Variants in CARD8 observed in about 807,000 individuals in gnomAD.
The protein encoded by CARD8 is caspase recruitment domain family member 8, also known as caspase recruitment domain-containing protein 8.
In CARD8, 38 loss-of-function variants were observed where a neutral mutation model predicts 53.2. That is an observed-to-expected ratio of 0.71 (90% confidence interval 0.55 to 0.94). The LOEUF (loss-of-function observed/expected upper bound fraction) is 0.94, where lower values mean the gene tolerates loss of function less well. CARD8 is among the 40% of genes least tolerant of loss of function. The probability of loss-of-function intolerance (pLI) is 0.00; values close to 1 mark genes in which losing one functional copy is unlikely to be tolerated. For synonymous variants in CARD8, 245 were observed against 244.9 expected (o/e 1.00, Z 0.00); for missense variants, 561 against 655.5 (o/e 0.86, Z 1.57).
In CARD8 at chr19:48,243,041, G is replaced by A. The variant is rs372048820; in HGVS notation, c.-43-1978C>T. On this transcript the variant is annotated intron_variant, in intron 3 of 13. Coordinates refer to ENST00000651546, the MANE Select transcript of CARD8 (RefSeq NM_001184900.3). ...AGCATTTCAGAGACTCTGGATAACA[G>A]AAAAGATAATTAGTGAAATACAAAT... is the stretch of plus-strand genomic sequence containing the variant. Among the ~76,000 whole-genome samples the A allele has an allele frequency of 2.0e-5, 3 of 152,258 alleles. No homozygotes were observed. The South Asian group carries it at 6.2e-4, about 32-fold the overall frequency.
At chr19:48,207,190 A>AG (rs2037389071), downstream of CARD8, among the ~76,000 whole-genome samples, 1 of 54,532 alleles carries the variant, frequency 1.8e-5, no homozygotes, top group African/African-American at 6.4e-5. Flanking sequence ...AAAAGAAAAG[A>AG]AAAAAAAAAC....
chr19:48,206,012 C>T (rs186569442), downstream of CARD8, among the ~76,000 whole-genome samples: 524 of 152,262 alleles, frequency 3.4e-3, 3 homozygotes, highest in African/African-American at 0.012. Flanking sequence ...ATTCTCCTGC[C>T]TCAGCCTCCC....
At chr19:48,222,949 G>A (rs2040978149) in intron 10 of CARD8, among the ~76,000 whole-genome samples, 1 of 152,174 alleles carries the variant, frequency 6.6e-6, no homozygotes, top group Admixed American at 6.5e-5. Context: ...TGTTCTAGGT[G>A]CTGCATATGT....
downstream of CARD8, among the ~76,000 whole-genome samples, chr19:48,204,589 T>G (rs760112444): frequency 9.9e-5 from 15 of 152,106 alleles, no homozygotes; most frequent in Admixed American, 2.6e-4. Flanking sequence ...ATAGAGCTCC[T>G]GCTGGAAGCC....
At chr19:48,205,269 G>A (rs756134698), downstream of CARD8, among the ~76,000 whole-genome samples, 5 of 152,052 alleles carry the variant, frequency 3.3e-5, no homozygotes, top group Non-Finnish European at 5.9e-5. Flanking sequence ...TTACGCTGTC[G>A]CCCAGGCTGG....
In CARD8 at chr19:48,233,359, C is replaced by A. The variant is rs1426121474; in HGVS notation, c.351-866G>T. On this transcript the variant is annotated intron_variant, in intron 6 of 13. Coordinates refer to ENST00000651546, the MANE Select transcript of CARD8 (RefSeq NM_001184900.3). ...CTGTTTATTTCGACGTGAAAGAGAC[C>A]AGCAGAGAAACTGACACGTGGATTA... 7 of 456,096 alleles carry A rather than the reference C, an allele frequency of 1.5e-5. No individual in the cohort carries two copies. In the East Asian group the frequency reaches 4.9e-4, roughly 32 times the overall value. 28.3% of individuals were successfully genotyped at this position (456,096 alleles called of 1,614,324 possible).
intron 3 of CARD8, among the ~76,000 whole-genome samples, chr19:48,245,231 A>C (rs1222975868): frequency 1.3e-5 from 2 of 152,096 alleles, no homozygotes; most frequent in East Asian, 3.8e-4. Flanking sequence ...TTTCTTTGAG[A>C]CGGGGCCTCC....
intron 3 of CARD8, among the ~76,000 whole-genome samples, chr19:48,249,095 G>A (rs1328891180): frequency 3.9e-5 from 6 of 151,974 alleles, no homozygotes; most frequent in Non-Finnish European, 7.4e-5. Context: ...TACTCGGGAG[G>A]CTGAGGCAGA....
chr19:48,233,469 C>T (rs1287229170), intron 6 of CARD8: 13 of 454,166 alleles, frequency 2.9e-5, no homozygotes, highest in Admixed American at 7.1e-5. Flanking sequence ...TGTGGGCAAG[C>T]CAAGCATGGA....
intron 13 of CARD8, among the ~76,000 whole-genome samples, chr19:48,213,380 AT>A (rs2038437654): frequency 6.6e-6 from 1 of 151,300 alleles, no homozygotes; most frequent in African/African-American, 2.4e-5. Flanking sequence ...TTACTTATTT[AT>A]TTATTTATTT....
chr19:48,204,115 G>GGGTCT, downstream of CARD8: 1 of 453,654 alleles, frequency 2.2e-6, no homozygotes, highest in Non-Finnish European at 4.4e-6. Flanking sequence ...CTTGTCCAAA[G>GGGTCT]GGTCTGGGCG....
At chr19:48,239,010 T>A (rs539136145) in intron 4 of CARD8, among the ~76,000 whole-genome samples, 1 of 152,262 alleles carries the variant, frequency 6.6e-6, no homozygotes, top group East Asian at 1.9e-4. Context: ...TGCTCGCTAC[T>A]GGCTTCTGAA....
At chr19:48,242,326 A>T (rs572529234) in intron 3 of CARD8, among the ~76,000 whole-genome samples, 2 of 152,270 alleles carry the variant, frequency 1.3e-5, no homozygotes, top group East Asian at 3.9e-4. Context: ...CTCTCCAGGC[A>T]CTGAATGTAC....
intron 3 of CARD8, among the ~76,000 whole-genome samples, chr19:48,249,100 G>A (rs1235326677): frequency 5.3e-5 from 8 of 151,962 alleles, no homozygotes; most frequent in Admixed American, 3.3e-4. Context: ...GGGAGGCTGA[G>A]GCAGAAGAAT....
intron 8 of CARD8, among the ~76,000 whole-genome samples, chr19:48,231,294 A>G (rs1233672532): frequency 6.6e-6 from 1 of 151,932 alleles, no homozygotes; most frequent in Admixed American, 6.6e-5. Context: ...TTCCTTTTGT[A>G]TTTATATTTT....
In CARD8 at chr19:48,215,043, G is replaced by C. The variant is rs186831884; in HGVS notation, c.1348+297C>G. ...GAGCTCAAGCAATCCACCTGCCTCG[G>C]CCTCCCAGAGTGCTAGGATTACAGG... On this transcript the variant is annotated intron_variant, in intron 13 of 13. Coordinates refer to ENST00000651546, the MANE Select transcript of CARD8 (RefSeq NM_001184900.3). The C allele has an allele frequency of 6.3e-3, 1,369 of 217,454 alleles. 26 individuals carry two copies. Among genetic ancestry groups the C allele is most frequent in the African/African-American group, 0.029 (1,286 of 43,608 alleles). The allele number at this position is 217,454 out of a possible 1,614,324, so 13.5% of individuals were successfully genotyped here. A position where few individuals can be genotyped will look rare whatever the true frequency, so the allele number is the denominator to read the frequency against.
At position 48,210,686 on chromosome 19, in the gene CARD8, T is replaced by C. The variant is rs2037832872; in HGVS notation, c.*1024A>G. 1 of 152,132 alleles carries C rather than the reference T, an allele frequency of 6.6e-6. No homozygotes were observed. 9.4% of individuals were successfully genotyped at this position (152,132 alleles called of 1,614,324 possible). The stretch of plus-strand genomic sequence containing the variant: ...GGCTGACTGAGGATAAATCCTAACA[T>C]ATTAATAATTACATTAACGTAAGTA... On this transcript the variant is annotated 3_prime_UTR_variant, in exon 14 of 14. Transcript: ENST00000651546.
chr19:48,212,705 A>C (rs2123848582), intron 13 of CARD8, among the ~76,000 whole-genome samples: 1 of 152,258 alleles, frequency 6.6e-6, no homozygotes, highest in East Asian at 1.9e-4. Context: ...CCACATCCTA[A>C]ACATTATATT....
chr19:48,252,677 T>C (rs2047072793), intron 1 of CARD8, among the ~76,000 whole-genome samples: 2 of 151,406 alleles, frequency 1.3e-5, no homozygotes, highest in African/African-American at 4.9e-5. Context: ...TTGTATTTTT[T>C]AGTAGAGACA....
Sources: allele counts gnomAD v4.1 joint callset (sites outside exome capture counted in the v4.1 genomes callset), GRCh38; gene constraint gnomAD v4.1.1; transcripts MANE v1.5; gene names NCBI Gene and HGNC (gene_info 2026-07-23, HGNC 2026-07-21).